ASCL5: variants seen among roughly 807,000 people sequenced by gnomAD.
ASCL5 encodes the protein achaete-scute family bHLH transcription factor 5.
For missense variants in ASCL5, 262 were observed against 268.9 expected, an observed-to-expected ratio of 0.97 and a Z score of 0.18; for synonymous variants, 124 against 131.5, an observed-to-expected ratio of 0.94 and a Z score of 0.39.
intron 1 of ASCL5, among the ~76,000 whole-genome samples, chr1:201,120,485 G>A (rs946932098): frequency 5.9e-5 from 9 of 152,070 alleles, no homozygotes. Context: ...GCAACCTGAG[G>A]GCCCTCTCCC....
intron 1 of ASCL5, among the ~76,000 whole-genome samples, chr1:201,120,946 C>G (rs759416784): frequency 1.1e-4 from 16 of 152,218 alleles, no homozygotes; most frequent in Non-Finnish European, 1.8e-4. Flanking sequence ...AAACTGGGAA[C>G]ATTTGTAAGG....
intron 1 of ASCL5, among the ~76,000 whole-genome samples, chr1:201,126,622 A>G (rs1403651351): frequency 1.3e-5 from 2 of 152,222 alleles, no homozygotes; most frequent in African/African-American, 4.8e-5. Context: ...TAACCCACTT[A>G]ACAGGTGAAG....
In ASCL5 at chr1:201,115,411, C is replaced by A; in HGVS notation, c.-39G>T. The A allele has an allele frequency of 1.6e-6, 2 of 1,231,042 alleles. No individual in the cohort carries two copies. Among genetic ancestry groups the A allele is most frequent in the South Asian group, 8.2e-5 (2 of 24,250 alleles). The allele number at this position is 1,231,042 out of a possible 1,614,324, so 76.3% of individuals were successfully genotyped here. A position where few individuals can be genotyped will look rare whatever the true frequency, so the allele number is the denominator to read the frequency against. On this transcript the variant is annotated 5_prime_UTR_variant, in exon 2 of 2. Coordinates refer to ENST00000449188, the MANE Select transcript of ASCL5 (RefSeq NM_001270601.2). ...GCTGGACCCAGAGCGAGGCCTCCAC[C>A]GAATGGCCCCGGCTTGGGGTCTGCA...
chr1:201,120,194 C>T (rs900981026), intron 1 of ASCL5, among the ~76,000 whole-genome samples: 12 of 152,108 alleles, frequency 7.9e-5, no homozygotes, highest in African/African-American at 1.2e-4. Context: ...CCAGAGAGGG[C>T]GTATTGTCAG....
At chr1:201,120,200 G>A (rs1379326338) in intron 1 of ASCL5, among the ~76,000 whole-genome samples, 1 of 152,176 alleles carries the variant, frequency 6.6e-6, no homozygotes, top group Non-Finnish European at 1.5e-5. Flanking sequence ...AGGGCGTATT[G>A]TCAGCGGGGG....
chr1:201,126,941 C>T (rs956908325), intron 1 of ASCL5, 143 bp downstream of exon 1: 4 of 151,804 alleles, frequency 2.6e-5, no homozygotes, highest in African/African-American at 7.3e-5. Flanking sequence ...GTTTTCCTTT[C>T]CTTTGGGTAG....
chr1:201,125,691 G>A (rs1192706584), intron 1 of ASCL5, among the ~76,000 whole-genome samples: 1 of 152,138 alleles, frequency 6.6e-6, no homozygotes, highest in Non-Finnish European at 1.5e-5. Flanking sequence ...TGAAGGGCAG[G>A]AACCTCATGC....
Position 201,125,484 on chromosome 1 carries a change from C to G in ASCL5, c.-506+1600G>C, listed in dbSNP as rs1663562440. ...TGCCTTTCCACTCATCCAACTCCTA[C>G]TTCTGGAAGCTGTTTGGGTCTTTCT... On this transcript the variant is annotated intron_variant, in intron 1 of 1. Coordinates refer to ENST00000449188, the MANE Select transcript of ASCL5 (RefSeq NM_001270601.2). Among the ~76,000 whole-genome samples, 3 of 152,322 alleles carry G rather than the reference C, an allele frequency of 2.0e-5. No individual in the cohort carries two copies. The South Asian group carries it at 6.2e-4, about 32-fold the overall frequency.
intron 1 of ASCL5, among the ~76,000 whole-genome samples, chr1:201,124,608 G>A (rs1008895805): frequency 6.6e-6 from 1 of 152,256 alleles, no homozygotes; most frequent in Non-Finnish European, 1.5e-5. Flanking sequence ...TCCCAAGGAA[G>A]ATGGGTCTGG....
chr1:201,119,555 G>A lies in ASCL5; in HGVS notation c.-505-3678C>T, dbSNP rs1572085249. On this transcript the variant is annotated intron_variant, in intron 1 of 1. Coordinates refer to ENST00000449188, the MANE Select transcript of ASCL5 (RefSeq NM_001270601.2). ...AGGTCTCCTGGAAAATTCAGGGTAA[G>A]AGAAGACCCCTTAGGAAAAGCTACT... 2.6e-5 allele frequency among the ~76,000 whole-genome samples: 4 copies of A among 152,306 alleles called. No homozygotes were observed. The East Asian group carries it at 7.7e-4, about 29-fold the overall frequency.
At chr1:201,120,499 G>A (rs1357210135) in intron 1 of ASCL5, among the ~76,000 whole-genome samples, 4 of 152,026 alleles carry the variant, frequency 2.6e-5, no homozygotes, top group Non-Finnish European at 5.9e-5. Context: ...CTCTCCCCAG[G>A]GCTCTTCCTG....
chr1:201,116,718 G>A (rs1211842198), intron 1 of ASCL5, among the ~76,000 whole-genome samples: 1 of 152,152 alleles, frequency 6.6e-6, no homozygotes, highest in Non-Finnish European at 1.5e-5. Flanking sequence ...ATTGCATGTG[G>A]TTATCAGATC....
At chr1:201,121,305 A>AT (rs1183146762) in intron 1 of ASCL5, among the ~76,000 whole-genome samples, 1 of 152,174 alleles carries the variant, frequency 6.6e-6, no homozygotes. Context: ...GGGTAAATGT[A>AT]TTTTTTTAAG....
chr1:201,115,201 C>T lies in ASCL5; in HGVS notation c.172G>A (p.Asp58Asn), dbSNP rs896423070. 9.0e-5 allele frequency: 111 copies of T among 1,231,382 alleles called. No individual in the cohort carries two copies. The highest frequency in any genetic ancestry group is 1.1e-4 in the Non-Finnish European group (108 of 987,886). 76.3% of individuals were successfully genotyped at this position (1,231,382 alleles called of 1,614,324 possible). Reference protein sequence around the residue: ...YPGPAEPPYYDAYAGVFPYVP... With the variant: ...YPGPAEPPYYNAYAGVFPYVP... Reference sequence around the variant, plus strand: ...TAGGGGAACACCCCCGCATAGGCGTCGTAGTAGGGCGGCTCTGCTGGGCCC... The same window carrying T: ...TAGGGGAACACCCCCGCATAGGCGTTGTAGTAGGGCGGCTCTGCTGGGCCC... The change falls in exon 2 of 2, where the codon GAC (aspartate) becomes AAC (asparagine). Residue 58 changes from aspartate to asparagine, a missense_variant. Asp to Asn is a conservative substitution (Grantham distance 23, BLOSUM62 1). Coordinates refer to ENST00000449188, the MANE Select transcript of ASCL5 (RefSeq NM_001270601.2).
chr1:201,117,766 C>A (rs1536127), intron 1 of ASCL5, among the ~76,000 whole-genome samples: 40,917 of 152,034 alleles, frequency 0.27, 5,839 homozygotes, highest in East Asian at 0.5. Context: ...TCTAAGATGG[C>A]ACATTCTCTT....
At chr1:201,122,678 G>A (rs1176401114) in intron 1 of ASCL5, among the ~76,000 whole-genome samples, 2 of 152,116 alleles carry the variant, frequency 1.3e-5, no homozygotes, top group African/African-American at 4.8e-5. Flanking sequence ...TGGGGGTGGA[G>A]CTGGGTGAGG....
At chr1:201,117,992 G>A (rs954193226) in intron 1 of ASCL5, among the ~76,000 whole-genome samples, 1 of 152,078 alleles carries the variant, frequency 6.6e-6, no homozygotes, top group Non-Finnish European at 1.5e-5. Context: ...AATTTGATAG[G>A]GGTCAGAAGT....
chr1:201,118,269 C>T (rs1441899276), intron 1 of ASCL5, among the ~76,000 whole-genome samples: 1 of 151,998 alleles, frequency 6.6e-6, no homozygotes, highest in East Asian at 1.9e-4. Context: ...CACTTGAGCC[C>T]AGGAGTTTGA....
chr1:201,118,883 A>G (rs1663399592), intron 1 of ASCL5, among the ~76,000 whole-genome samples: 1 of 152,222 alleles, frequency 6.6e-6, no homozygotes, highest in Admixed American at 6.5e-5. Flanking sequence ...CTTGAGGCAC[A>G]TGAAGGGTAA....
Sources: gnomAD v4.1 joint callset for allele counts (sites outside exome capture counted in the v4.1 genomes callset) on GRCh38, gnomAD v4.1.1 for gene constraint, MANE v1.5 for transcripts, NCBI Gene and HGNC (gene_info 2026-07-23, HGNC 2026-07-21) for gene names.